AOPEP: variants seen among roughly 807,000 people sequenced by gnomAD.
AOPEP encodes aminopeptidase O (putative).
In AOPEP, 77 loss-of-function variants were observed where a neutral mutation model predicts 98.1. The ratio of observed to expected loss-of-function variants is 0.78; its 90% CI spans 0.65 to 0.95. The LOEUF (loss-of-function observed/expected upper bound fraction) is 0.95. Among genes scored for constraint, AOPEP ranks in the 40% least tolerant of loss-of-function variants. The probability of loss-of-function intolerance (pLI) is 0.00; values close to 1 mark genes in which losing one functional copy is unlikely to be tolerated. For synonymous variants in AOPEP, 346 were observed against 365.3 expected, an observed-to-expected ratio of 0.95 and a Z score of 0.60; for missense variants, 1,024 against 1,024.7, an observed-to-expected ratio of 1.00 and a Z score of 0.01.
intron 1 of AOPEP, among the ~76,000 whole-genome samples, chr9:94,758,870 A>G (rs1418953476): frequency 6.6e-6 from 1 of 151,934 alleles, no homozygotes; most frequent in Non-Finnish European, 1.5e-5. Flanking sequence ...TTATTGTAAC[A>G]TCTGTTTCTA....
chr9:94,757,911 G>T (rs1163661202), intron 1 of AOPEP, among the ~76,000 whole-genome samples: 1 of 152,138 alleles, frequency 6.6e-6, no homozygotes, highest in Non-Finnish European at 1.5e-5. Context: ...TTTATCGAAG[G>T]TTATTATTCA....
At chr9:94,941,545 C>A (rs1013547374) in intron 7 of AOPEP, among the ~76,000 whole-genome samples, 3 of 152,236 alleles carry the variant, frequency 2.0e-5, no homozygotes, top group African/African-American at 7.2e-5. Flanking sequence ...TCTGCCCTTT[C>A]CTGTTTCAAA....
intron 13 of AOPEP, among the ~76,000 whole-genome samples, chr9:95,015,532 A>G (rs1482057128): frequency 1.3e-5 from 2 of 152,250 alleles, no homozygotes; most frequent in Non-Finnish European, 2.9e-5. Flanking sequence ...TGAGATGAAT[A>G]GAATAGTTTA....
chr9:94,859,929 G>A (rs1219941246), intron 5 of AOPEP, among the ~76,000 whole-genome samples: 1 of 152,148 alleles, frequency 6.6e-6, no homozygotes, highest in African/African-American at 2.4e-5. Flanking sequence ...TAAATTCTTC[G>A]GCTACAGTGA....
intron 2 of AOPEP, among the ~76,000 whole-genome samples, chr9:94,767,987 A>T (rs763643824): frequency 6.6e-6 from 1 of 152,228 alleles, no homozygotes; most frequent in Non-Finnish European, 1.5e-5. Flanking sequence ...TTTGTGGCAC[A>T]AGAAAGCAAG....
chr9:95,139,957 T>C, the AOPEP span, among the ~76,000 whole-genome samples: 1 of 151,378 alleles, frequency 6.6e-6, no homozygotes, highest in Non-Finnish European at 1.5e-5. Context: ...GTTCAATACG[T>C]TAGTGACAGA....
chr9:94,821,577 T>G (rs1396724685), intron 5 of AOPEP, among the ~76,000 whole-genome samples: 1 of 152,210 alleles, frequency 6.6e-6, no homozygotes, highest in Non-Finnish European at 1.5e-5. Flanking sequence ...TGTTTGAATT[T>G]CCAGGCTCCT....
chr9:95,067,951 C>A (rs186144721), intron 14 of AOPEP, among the ~76,000 whole-genome samples: 4 of 152,316 alleles, frequency 2.6e-5, no homozygotes, highest in Admixed American at 2.6e-4. Flanking sequence ...TCTTTTGTGA[C>A]TGACTTCTTT....
intron 5 of AOPEP, among the ~76,000 whole-genome samples, chr9:94,912,141 C>T (rs1012936077): frequency 5.9e-5 from 9 of 152,108 alleles, no homozygotes; most frequent in Non-Finnish European, 4.4e-5. Context: ...GTTGCAGCTG[C>T]CCTAGGAAAC....
chr9:94,924,215 C>T (rs1044620407), intron 6 of AOPEP, 40 bp downstream of exon 6: 2 of 1,305,396 alleles, frequency 1.5e-6, no homozygotes, highest in African/African-American at 3.1e-5. Flanking sequence ...TACCCAGAGT[C>T]AAATTCCATT....
At chr9:94,833,841 G>A (rs1338350578) in intron 5 of AOPEP, among the ~76,000 whole-genome samples, 1 of 152,198 alleles carries the variant, frequency 6.6e-6, no homozygotes, top group East Asian at 1.9e-4. Flanking sequence ...TCGTTGAGAA[G>A]GGGAGTTTGT....
chr9:94,941,507 T>C (rs1339361107), intron 7 of AOPEP, among the ~76,000 whole-genome samples: 2 of 152,238 alleles, frequency 1.3e-5, no homozygotes, highest in African/African-American at 2.4e-5. Context: ...TGAAAAACTT[T>C]AGAGCTCTCA....
At chr9:94,969,867 G>A (rs2059431999) in intron 10 of AOPEP, among the ~76,000 whole-genome samples, 1 of 152,206 alleles carries the variant, frequency 6.6e-6, no homozygotes, top group Admixed American at 6.5e-5. Context: ...GTGTGGAAAT[G>A]AATTCTTTGA....
chr9:95,083,485 A>G (rs1013936445), intron 16 of AOPEP, among the ~76,000 whole-genome samples: 10 of 150,724 alleles, frequency 6.6e-5, no homozygotes, highest in African/African-American at 2.0e-4. Flanking sequence ...CGGCACACGC[A>G]GCACACACAC....
At chr9:95,125,165 T>A in the AOPEP span, 2 of 1,614,056 alleles carry the variant, frequency 1.2e-6, no homozygotes, top group African/African-American at 2.7e-5. Context: ...CAGGGCCCCA[T>A]CGGTTTCCAG....
chr9:95,119,741 T>C, the AOPEP span, among the ~76,000 whole-genome samples: 1 of 151,804 alleles, frequency 6.6e-6, no homozygotes, highest in Non-Finnish European at 1.5e-5. Flanking sequence ...AGATATGGTT[T>C]CACTCTGTTG....
At chr9:94,928,158 C>T (rs371138184) in intron 6 of AOPEP, among the ~76,000 whole-genome samples, 82 of 152,260 alleles carry the variant, frequency 5.4e-4, no homozygotes, top group African/African-American at 1.9e-3. Flanking sequence ...AGGTGTGTGT[C>T]GGTGGGATGG....
intron 13 of AOPEP, among the ~76,000 whole-genome samples, chr9:95,035,249 G>GA (rs1489239593): frequency 1.3e-5 from 2 of 151,356 alleles, no homozygotes; most frequent in Non-Finnish European, 2.9e-5. Context: ...TCCCTACATT[G>GA]ATGACATACC....
intron 13 of AOPEP, among the ~76,000 whole-genome samples, chr9:95,049,657 A>G (rs905992835): frequency 6.6e-6 from 1 of 152,238 alleles, no homozygotes; most frequent in Non-Finnish European, 1.5e-5. Context: ...AAAGGAAGAT[A>G]CAAAAATACT....
Sources: gnomAD v4.1 joint callset for allele counts (sites outside exome capture counted in the v4.1 genomes callset) on GRCh38, gnomAD v4.1.1 for gene constraint, MANE v1.5 for transcripts, NCBI Gene and HGNC (gene_info 2026-07-23, HGNC 2026-07-21) for gene names.